Variants in IL1RAPL1 observed in about 807,000 individuals in gnomAD.
IL1RAPL1 encodes interleukin 1 receptor accessory protein like 1.
IL1RAPL1 carries 3 observed loss-of-function variants against 48.4 expected under a neutral mutation model. That is an observed-to-expected ratio of 0.06 (90% CI 0.03 to 0.16). The LOEUF is 0.16. Ranked by LOEUF, IL1RAPL1 falls within the 10% of genes least tolerant of loss-of-function variation. The probability of loss-of-function intolerance (pLI) is 1.00; values close to 1 mark genes in which losing one functional copy is unlikely to be tolerated. For missense variants in IL1RAPL1, 349 were observed against 530.6 expected (o/e 0.66, Z 3.36); for synonymous variants, 185 against 187.7 (o/e 0.99, Z 0.12).
At chrX:29,221,009 T>C (rs1032569187) in intron 2 of IL1RAPL1, among the ~76,000 whole-genome samples, 4 of 111,051 alleles carry the variant, frequency 3.6e-5, no homozygotes, top group Non-Finnish European at 5.7e-5. Context: ...AACCTCCACC[T>C]ACCGGGTTCA....
chrX:28,671,339 T>G (rs1281805095), intron 1 of IL1RAPL1, among the ~76,000 whole-genome samples: 1 of 111,978 alleles, frequency 8.9e-6, no homozygotes, highest in Admixed American at 9.5e-5. Context: ...TGCATTTTGT[T>G]TTTTGCATTT....
At chrX:29,630,534 C>T (rs982468626) in intron 5 of IL1RAPL1, among the ~76,000 whole-genome samples, 2 of 96,103 alleles carry the variant, frequency 2.1e-5, no homozygotes, top group African/African-American at 4.1e-5. Flanking sequence ...AAAATAGTTT[C>T]TCCAGACTTT....
intron 2 of IL1RAPL1, among the ~76,000 whole-genome samples, chrX:28,950,994 T>C (rs1189371084): frequency 2.0e-5 from 2 of 98,920 alleles, no homozygotes; most frequent in Non-Finnish European, 4.1e-5. Flanking sequence ...AAATTGGAAA[T>C]CATCATTCTC....
intron 5 of IL1RAPL1, among the ~76,000 whole-genome samples, chrX:29,541,974 A>T (rs777200440): frequency 9.0e-6 from 1 of 111,499 alleles, no homozygotes; most frequent in Non-Finnish European, 1.9e-5. Flanking sequence ...TTTGATACAG[A>T]AAAGAACATC....
At chrX:29,915,984 G>C (rs1932797961) in intron 6 of IL1RAPL1, among the ~76,000 whole-genome samples, 1 of 95,196 alleles carries the variant, frequency 1.1e-5, no homozygotes, top group East Asian at 3.4e-4. Flanking sequence ...CCACGTATGA[G>C]TGAGAATATG....
At chrX:29,081,018 CTCTTTCTTTTCT>C (rs1276243217) in intron 2 of IL1RAPL1, among the ~76,000 whole-genome samples, 39 of 54,300 alleles carry the variant, frequency 7.2e-4, no homozygotes, top group South Asian at 1.2e-3. Context: ...CTCTCTCTCT[CTCTTTCTTTTCT>C]TTTCTTTTCT....
chrX:29,836,509 T>C (rs1266961739), intron 6 of IL1RAPL1, among the ~76,000 whole-genome samples: 2 of 112,091 alleles, frequency 1.8e-5, no homozygotes, highest in African/African-American at 6.5e-5. Flanking sequence ...TTTTAATTTG[T>C]CTCAAGACAT....
chrX:29,505,750 C>A (rs796659951), intron 5 of IL1RAPL1, among the ~76,000 whole-genome samples: 1 of 111,769 alleles, frequency 8.9e-6, no homozygotes, highest in African/African-American at 3.2e-5. Flanking sequence ...TTTGTGTTCT[C>A]TGGCCTTCTC....
At chrX:28,802,695 G>T (rs1005321740) in intron 2 of IL1RAPL1, among the ~76,000 whole-genome samples, 3 of 111,506 alleles carry the variant, frequency 2.7e-5, no homozygotes, top group African/African-American at 9.8e-5. Context: ...TTCATACTCT[G>T]GTGCATTAAT....
intron 5 of IL1RAPL1, among the ~76,000 whole-genome samples, chrX:29,454,732 C>G (rs185623849): frequency 9.1e-6 from 1 of 110,339 alleles, no homozygotes; most frequent in Non-Finnish European, 1.9e-5. Context: ...ATACAATAAA[C>G]ATGACTACAC....
chrX:28,742,148 T>C (rs1935915569), intron 1 of IL1RAPL1, among the ~76,000 whole-genome samples: 1 of 111,262 alleles, frequency 9.0e-6, no homozygotes, highest in African/African-American at 3.3e-5. Flanking sequence ...GCCTTCTGAC[T>C]ATACTTGTCA....
In IL1RAPL1 at chrX:29,654,547, A is replaced by G. The variant is rs766929326; in HGVS notation, c.704-13883A>G. 2.7e-5 allele frequency among the ~76,000 whole-genome samples: 3 copies of G among 111,747 alleles called. No individual in the cohort carries two copies. In the South Asian group the frequency reaches 1.1e-3, roughly 42 times the overall value. On this transcript the variant is annotated intron_variant, in intron 5 of 10. Transcript: ENST00000378993. ...TGTGTAGAGGAACTCCCATTTATAA[A>G]ACCAGTAGATGTCGTGAGACTTATT...
intron 5 of IL1RAPL1, among the ~76,000 whole-genome samples, chrX:29,409,770 T>C (rs1193785608): frequency 4.6e-5 from 5 of 109,813 alleles, no homozygotes; most frequent in Non-Finnish European, 9.5e-5. Flanking sequence ...ATAATTAGAA[T>C]AGTTAACACC....
intron 6 of IL1RAPL1, among the ~76,000 whole-genome samples, chrX:29,695,638 A>G (rs1926892287): frequency 9.6e-6 from 1 of 104,353 alleles, no homozygotes; most frequent in Admixed American, 1.0e-4. Context: ...AACAGAGAGA[A>G]TCTTTTATCT....
chrX:29,336,237 A>T (rs976298383), intron 3 of IL1RAPL1, among the ~76,000 whole-genome samples: 206 of 97,272 alleles, frequency 2.1e-3, no homozygotes, highest in Non-Finnish European at 3.2e-3. Context: ...TATCATATGT[A>T]TATATACCTT....
chrX:29,891,547 G>T (rs1431408818), intron 6 of IL1RAPL1, among the ~76,000 whole-genome samples: 1 of 111,790 alleles, frequency 8.9e-6, no homozygotes, highest in Non-Finnish European at 1.9e-5. Flanking sequence ...TAATGACATG[G>T]ATGGATATGG....
At chrX:29,006,076 G>A (rs1204322987) in intron 2 of IL1RAPL1, among the ~76,000 whole-genome samples, 1 of 111,553 alleles carries the variant, frequency 9.0e-6, no homozygotes, top group Admixed American at 9.5e-5. Context: ...TATGCCATGG[G>A]AGGGGGATCT....
intron 2 of IL1RAPL1, 125 bp downstream of exon 2, chrX:28,789,550 G>A: frequency 1.9e-6 from 1 of 524,926 alleles, no homozygotes. Context: ...AGATATTGTA[G>A]ATATTATGAG....
chrX:29,547,770 C>G (rs972217211), intron 5 of IL1RAPL1, among the ~76,000 whole-genome samples: 5 of 111,851 alleles, frequency 4.5e-5, no homozygotes, highest in Non-Finnish European at 9.4e-5. Flanking sequence ...GAAAAGCAAG[C>G]ATAACGTGAA....
Sources: gnomAD v4.1 joint callset for allele counts (sites outside exome capture counted in the v4.1 genomes callset) on GRCh38, gnomAD v4.1.1 for gene constraint, MANE v1.5 for transcripts, NCBI Gene and HGNC (gene_info 2026-07-23, HGNC 2026-07-21) for gene names.